The following IL1RAPL2 variants were observed in gnomAD, a reference collection of about 807,000 sequenced individuals.
The protein encoded by IL1RAPL2 is interleukin 1 receptor accessory protein like 2.
A neutral mutation model predicts 44.1 loss-of-function variants in IL1RAPL2; 3 were observed. The ratio of observed to expected loss-of-function variants is 0.07; its 90% CI spans 0.03 to 0.18. IL1RAPL2 has a LOEUF of 0.18. Among genes scored for constraint, IL1RAPL2 ranks in the 10% least tolerant of loss-of-function variants. The pLI is 1.00. For synonymous variants in IL1RAPL2, 181 were observed against 178.8 expected, an observed-to-expected ratio of 1.01 and a Z score of -0.10; for missense variants, 391 against 496.4, an observed-to-expected ratio of 0.79 and a Z score of 2.02.
intron 1 of IL1RAPL2, among the ~76,000 whole-genome samples, chrX:104,632,701 A>C (rs1023295856): frequency 9.2e-6 from 1 of 108,550 alleles, no homozygotes; most frequent in African/African-American, 3.3e-5. Context: ...TTGTATCCTG[A>C]GACTTTGCTG....
At chrX:104,630,648 G>A (rs1023849659) in intron 1 of IL1RAPL2, among the ~76,000 whole-genome samples, 1 of 110,703 alleles carries the variant, frequency 9.0e-6, no homozygotes, top group African/African-American at 3.3e-5. Context: ...CCATTTTTTG[G>A]TTTCATGCAA....
chrX:105,338,887 G>A (rs1260068186), intron 5 of IL1RAPL2, among the ~76,000 whole-genome samples: 1 of 111,270 alleles, frequency 9.0e-6, no homozygotes, highest in Non-Finnish European at 1.9e-5. Context: ...ATCACCTGAG[G>A]TCAGGAGTTC....
intron 2 of IL1RAPL2, among the ~76,000 whole-genome samples, chrX:104,671,295 C>G (rs924036880): frequency 9.0e-6 from 1 of 111,034 alleles, no homozygotes; most frequent in African/African-American, 3.3e-5. Flanking sequence ...CACACCTCTT[C>G]ACACAAGAGC....
chrX:105,623,047 G>A (rs1229198501), intron 6 of IL1RAPL2, among the ~76,000 whole-genome samples: 1 of 111,027 alleles, frequency 9.0e-6, no homozygotes, highest in East Asian at 2.8e-4. Flanking sequence ...AACCTCATGA[G>A]ATCTTATGAG....
chrX:105,144,841 T>C lies in IL1RAPL2; in HGVS notation c.83-50634T>C, dbSNP rs111428828. Among the ~76,000 whole-genome samples, 655 of 111,265 alleles carry C rather than the reference T, an allele frequency of 5.9e-3. 9 individuals are homozygous for C. Among genetic ancestry groups the C allele is most frequent in the African/African-American group, 0.02 (628 of 30,635 alleles). On this transcript the variant is annotated intron_variant, in intron 2 of 10. Transcript: ENST00000372582. ...TGTTTTTTGTACATCTCTCAACTTT[T>C]CTCAGGGATTCTTTCACTGAGTATA...
intron 5 of IL1RAPL2, among the ~76,000 whole-genome samples, chrX:105,434,967 T>G (rs187045615): frequency 0.11 from 11,786 of 111,274 alleles, 1,565 homozygotes; most frequent in African/African-American, 0.37. Flanking sequence ...ATTAAACGGG[T>G]AATAGTTTTC....
At chrX:105,560,179 T>C (rs377450981) in intron 6 of IL1RAPL2, among the ~76,000 whole-genome samples, 4 of 111,919 alleles carry the variant, frequency 3.6e-5, no homozygotes, top group South Asian at 7.5e-4. Context: ...GCTGAGATCT[T>C]TACTACACCT....
chrX:105,085,190 A>T (rs1265432711), intron 2 of IL1RAPL2, among the ~76,000 whole-genome samples: 1 of 112,127 alleles, frequency 8.9e-6, no homozygotes, highest in East Asian at 2.8e-4. Flanking sequence ...ACAAAATATC[A>T]ATCTAAAAAT....
chrX:105,388,294 A>G (rs2035494331), intron 5 of IL1RAPL2, among the ~76,000 whole-genome samples: 1 of 103,785 alleles, frequency 9.6e-6, no homozygotes, highest in Non-Finnish European at 2.0e-5. Context: ...TAGAGTATAC[A>G]TGATCACATT....
chrX:104,646,072 T>A (rs1247611583), intron 1 of IL1RAPL2, among the ~76,000 whole-genome samples: 1 of 111,967 alleles, frequency 8.9e-6, no homozygotes, highest in African/African-American at 3.2e-5. Flanking sequence ...ATTATTGACT[T>A]GATTGAAGGC....
At chrX:105,569,832 C>G (rs187633624) in intron 6 of IL1RAPL2, among the ~76,000 whole-genome samples, 4 of 111,715 alleles carry the variant, frequency 3.6e-5, no homozygotes, top group Admixed American at 9.6e-5. Context: ...AGCTTCATAT[C>G]TGTAAACCTT....
chrX:105,226,976 C>A (rs1556189799), intron 3 of IL1RAPL2, among the ~76,000 whole-genome samples: 1 of 105,041 alleles, frequency 9.5e-6, no homozygotes, highest in Non-Finnish European at 1.9e-5. Context: ...TTGCAGATTA[C>A]CAGTGTCCTG....
intron 6 of IL1RAPL2, among the ~76,000 whole-genome samples, chrX:105,700,220 A>T (rs2038108783): frequency 3.6e-5 from 4 of 111,680 alleles, no homozygotes; most frequent in African/African-American, 1.3e-4. Context: ...CACTGCATTC[A>T]GAGAAAAGTG....
intron 2 of IL1RAPL2, among the ~76,000 whole-genome samples, chrX:104,735,780 C>G (rs1171509371): frequency 1.8e-5 from 2 of 111,203 alleles, no homozygotes; most frequent in Admixed American, 1.9e-4. Context: ...ATCATTGTGT[C>G]AAACTATGAT....
Position 104,834,937 on chromosome X carries a change from A to G in IL1RAPL2, c.82+175942A>G, listed in dbSNP as rs531212529. 1.7e-4 allele frequency among the ~76,000 whole-genome samples: 19 copies of G among 111,664 alleles called. No individual in the cohort carries two copies. In the South Asian group the frequency reaches 7.1e-3, roughly 42 times the overall value. On this transcript the variant is annotated intron_variant, in intron 2 of 10. Coordinates refer to ENST00000372582, the MANE Select transcript of IL1RAPL2 (RefSeq NM_017416.2). ...TTTCTCATCTTTTAATTCCATGAAA[A>G]CTTACCTGTCTTCAGTCTCATTCTG...
intron 5 of IL1RAPL2, among the ~76,000 whole-genome samples, chrX:105,415,878 C>A (rs1293018306): frequency 9.0e-6 from 1 of 111,660 alleles, no homozygotes; most frequent in African/African-American, 3.3e-5. Flanking sequence ...CATATCCTCT[C>A]TATATATTAG....
At chrX:105,704,959 C>T (rs1425407778) in intron 6 of IL1RAPL2, among the ~76,000 whole-genome samples, 1 of 111,462 alleles carries the variant, frequency 9.0e-6, no homozygotes, top group Non-Finnish European at 1.9e-5. Context: ...ACATTTTTCC[C>T]GTTGAGCTGT....
rs142747553 is a variant in IL1RAPL2 at position 104,887,943 on chromosome X, C to T, written c.82+228948C>T. On this transcript the variant is annotated intron_variant, in intron 2 of 10. Coordinates refer to ENST00000372582, the MANE Select transcript of IL1RAPL2 (RefSeq NM_017416.2). ...GGCACTTACCCGAGCCTTAGAACTGCGAAAGGGAAAAAGAATAAATGTGTA... is the reference window on the plus strand; with the variant it reads ...GGCACTTACCCGAGCCTTAGAACTGTGAAAGGGAAAAAGAATAAATGTGTA... Among the ~76,000 whole-genome samples the T allele has an allele frequency of 9.0e-3, 996 of 111,056 alleles. 7 individuals are homozygous for T. The highest frequency in any genetic ancestry group is 0.03 in the African/African-American group (930 of 30,527).
At chrX:105,537,340 A>G (rs1215419985) in intron 6 of IL1RAPL2, among the ~76,000 whole-genome samples, 1 of 111,500 alleles carries the variant, frequency 9.0e-6, no homozygotes, top group Admixed American at 9.5e-5. Flanking sequence ...GTTGACCTAT[A>G]CATGGCTTTT....
Sources: gnomAD v4.1 joint callset for allele counts (sites outside exome capture counted in the v4.1 genomes callset) on GRCh38, gnomAD v4.1.1 for gene constraint, MANE v1.5 for transcripts, NCBI Gene and HGNC (gene_info 2026-07-23, HGNC 2026-07-21) for gene names.